Variants in GNAI1 observed in about 807,000 individuals in gnomAD.
The protein encoded by GNAI1 is guanine nucleotide-binding protein G(i) subunit alpha-1.
GNAI1 carries 11 observed loss-of-function variants against 38.9 expected under a neutral mutation model. The observed-to-expected ratio is 0.28, with a 90% confidence interval of 0.18 to 0.47. The LOEUF is 0.47. GNAI1 is among the 20% of genes least tolerant of loss of function. GNAI1 has a pLI of 0.99. For synonymous variants in GNAI1, 166 were observed against 145.1 expected, an observed-to-expected ratio of 1.14 and a Z score of -1.04; for missense variants, 317 against 436.9, an observed-to-expected ratio of 0.73 and a Z score of 2.45.
chr7:80,204,720 A>C (rs2115686648), intron 5 of GNAI1, among the ~76,000 whole-genome samples: 1 of 152,210 alleles, frequency 6.6e-6, no homozygotes, highest in East Asian at 1.9e-4. Context: ...TGTTCACTCA[A>C]ACAAAATTAC....
At chr7:80,217,209 T>G in intron 7 of GNAI1, 94 bp from the exon 8 acceptor site, 2 of 778,436 alleles carry the variant, frequency 2.6e-6, no homozygotes, top group Non-Finnish European at 4.0e-6. Flanking sequence ...TGTATGAAAC[T>G]GACTTCAGTT....
intron 1 of GNAI1, among the ~76,000 whole-genome samples, chr7:80,166,160 A>G (rs551707081): frequency 1.6e-4 from 24 of 152,320 alleles, no homozygotes; most frequent in African/African-American, 5.0e-4. Context: ...TGCATTAACA[A>G]CAGATTACAT....
At chr7:80,217,142 A>G (rs1035464763) in intron 7 of GNAI1, among the ~76,000 whole-genome samples, 161 bp from the exon 8 acceptor site, 9 of 151,476 alleles carry the variant, frequency 5.9e-5, no homozygotes, top group Non-Finnish European at 1.3e-4. Flanking sequence ...CATTTAGAAG[A>G]AATAGTGTCT....
intron 3 of GNAI1, among the ~76,000 whole-genome samples, chr7:80,194,768 G>A (rs189125845): frequency 5.3e-5 from 8 of 152,024 alleles, no homozygotes; most frequent in Admixed American, 1.3e-4. Flanking sequence ...GTTCAGATTT[G>A]GGATTTTTTT....
At chr7:80,176,610 G>A (rs543902505) in intron 1 of GNAI1, among the ~76,000 whole-genome samples, 1 of 152,226 alleles carries the variant, frequency 6.6e-6, no homozygotes, top group Non-Finnish European at 1.5e-5. Flanking sequence ...TGCTCATTTA[G>A]CATTCTGTAT....
At chr7:80,161,859 C>A (rs1787928867) in intron 1 of GNAI1, among the ~76,000 whole-genome samples, 1 of 152,088 alleles carries the variant, frequency 6.6e-6, no homozygotes, top group Admixed American at 6.5e-5. Flanking sequence ...GATTGAAAGT[C>A]ACTGGAAAGA....
intron 1 of GNAI1, among the ~76,000 whole-genome samples, chr7:80,178,122 CA>C (rs1433986659): frequency 6.6e-6 from 1 of 152,106 alleles, no homozygotes; most frequent in African/African-American, 2.4e-5. Flanking sequence ...GTGGAAATAA[CA>C]AGAGAACTAG....
At chr7:80,138,448 A>T (rs1787464830) in intron 1 of GNAI1, among the ~76,000 whole-genome samples, 1 of 152,196 alleles carries the variant, frequency 6.6e-6, no homozygotes, top group Non-Finnish European at 1.5e-5. Context: ...GCTTATTAGG[A>T]TGATAATACT....
chr7:80,187,299 A>T (rs984078003), intron 1 of GNAI1: 2 of 151,996 alleles, frequency 1.3e-5, no homozygotes, highest in Non-Finnish European at 2.9e-5. Context: ...GAAGTTGACC[A>T]TCAGTTGTAT....
At chr7:80,137,476 A>G (rs901474267) in intron 1 of GNAI1, among the ~76,000 whole-genome samples, 1 of 151,440 alleles carries the variant, frequency 6.6e-6, no homozygotes, top group African/African-American at 2.4e-5. Context: ...GCGTGCCACC[A>G]TGCTCGGCTA....
At chr7:80,203,266 A>C (rs915646292) in intron 4 of GNAI1, among the ~76,000 whole-genome samples, 1 of 152,216 alleles carries the variant, frequency 6.6e-6, no homozygotes, top group South Asian at 2.1e-4. Flanking sequence ...AAGAGCTTTC[A>C]TCACTACTTG....
chr7:80,143,390 T>C (rs760874634), intron 1 of GNAI1, among the ~76,000 whole-genome samples: 14 of 152,326 alleles, frequency 9.2e-5, no homozygotes, highest in Non-Finnish European at 1.8e-4. Context: ...ACTTTGGTTA[T>C]AAATCTGTCA....
intron 1 of GNAI1, among the ~76,000 whole-genome samples, chr7:80,179,010 T>A (rs1272225030): frequency 2.6e-5 from 4 of 152,236 alleles, no homozygotes; most frequent in Non-Finnish European, 5.9e-5. Flanking sequence ...GTGTAATGTA[T>A]TACAGTATAT....
chr7:80,136,078 C>T (rs1787410270), intron 1 of GNAI1: 3 of 979,826 alleles, frequency 3.1e-6, no homozygotes, highest in Admixed American at 6.2e-5. Flanking sequence ...GCCAGGTACA[C>T]GCAAGGCTTT....
chr7:80,135,295 C>A lies in GNAI1; in HGVS notation c.118+17C>A. The A allele has an allele frequency of 1.5e-6, 2 of 1,373,706 alleles. No homozygotes were observed. Among genetic ancestry groups the A allele is most frequent in the Non-Finnish European group, 1.9e-6 (2 of 1,044,976 alleles). 85.1% of individuals were successfully genotyped at this position (1,373,706 alleles called of 1,614,324 possible). A position where few individuals can be genotyped will look rare whatever the true frequency, so the allele number is the denominator to read the frequency against. On this transcript the variant is annotated intron_variant, in intron 1 of 7. Coordinates refer to ENST00000649796, the MANE Select transcript of GNAI1 (RefSeq NM_002069.6). Reference sequence around the variant, plus strand: ...TGCTGCTCGGTAAGGGCGGCCGGGTCGGGGCCCGGGGGTCGGCGGGGGACC... The same window carrying A: ...TGCTGCTCGGTAAGGGCGGCCGGGTAGGGGCCCGGGGGTCGGCGGGGGACC...
At chr7:80,135,763 T>C in intron 1 of GNAI1, 1 of 981,662 alleles carries the variant, frequency 1.0e-6, no homozygotes, top group Non-Finnish European at 1.2e-6. Flanking sequence ...GTGAAATCAG[T>C]GCACCTTTTG....
chr7:80,223,038 C>T lies in GNAI1; in HGVS notation c.*5545C>T, dbSNP rs1789105962. Among the ~76,000 whole-genome samples, 1 of 152,154 alleles carries T rather than the reference C, an allele frequency of 6.6e-6. No individual in the cohort carries two copies. The highest frequency in any genetic ancestry group is 2.4e-5 in the African/African-American group (1 of 41,434). On this transcript the variant is annotated 3_prime_UTR_variant, in exon 8 of 8. Transcript: ENST00000649796. ...TCATGTAATTTTCTTGGATACTGTA[C>T]TGAAAATGAAAAACAGATTGATTGC... is the stretch of plus-strand genomic sequence containing the variant.
intron 1 of GNAI1, among the ~76,000 whole-genome samples, chr7:80,160,066 G>A (rs1415153341): frequency 1.3e-5 from 2 of 152,110 alleles, no homozygotes; most frequent in Non-Finnish European, 2.9e-5. Flanking sequence ...TCTGTGCTCA[G>A]AGGCAACTCT....
chr7:80,174,493 G>C (rs999900680), intron 1 of GNAI1, among the ~76,000 whole-genome samples: 6 of 147,348 alleles, frequency 4.1e-5, no homozygotes, highest in African/African-American at 1.2e-4. Flanking sequence ...TTTCTTGTAA[G>C]TTCATTATGT....
Sources: gnomAD v4.1 joint callset for allele counts (sites outside exome capture counted in the v4.1 genomes callset) on GRCh38, gnomAD v4.1.1 for gene constraint, MANE v1.5 for transcripts, NCBI Gene and HGNC (gene_info 2026-07-23, HGNC 2026-07-21) for gene names.